SPECC1L: variants seen among roughly 807,000 people sequenced by gnomAD.
The protein encoded by SPECC1L is cytospin-A.
SPECC1L carries 40 observed loss-of-function variants against 116.8 expected under a neutral mutation model. That is an observed-to-expected ratio of 0.34 (90% CI 0.27 to 0.45). The LOEUF is 0.45. Among genes scored for constraint, SPECC1L ranks in the 20% least tolerant of loss-of-function variants. The pLI is 1.00. For synonymous variants in SPECC1L, 504 were observed against 500.6 expected (o/e 1.01, Z -0.09); for missense variants, 1,110 against 1,373.6 (o/e 0.81, Z 3.03).
intron 8 of SPECC1L, 86 bp downstream of exon 8, chr22:24,330,517 T>C (rs2146508105): frequency 6.9e-7 from 1 of 1,455,860 alleles, no homozygotes; most frequent in Non-Finnish European, 9.6e-7. Flanking sequence ...ATGGAAAAAA[T>C]GTGGAGTTTG....
intron 16 of SPECC1L, among the ~76,000 whole-genome samples, chr22:24,413,518 G>A (rs567582707): frequency 6.6e-6 from 1 of 152,280 alleles, no homozygotes; most frequent in African/African-American, 2.4e-5. Context: ...CTAACTTGTA[G>A]CAGCTGGAGG....
intron 14 of SPECC1L, among the ~76,000 whole-genome samples, chr22:24,371,660 A>T (rs1242474423): frequency 6.6e-6 from 1 of 152,226 alleles, no homozygotes; most frequent in Non-Finnish European, 1.5e-5. Flanking sequence ...AACGCAGCAT[A>T]CCAAAATTTA....
chr22:24,322,670 G>T lies in SPECC1L; in HGVS notation c.1690G>T (p.Glu564Ter). ...AGCAGCCTTGGCAGCCACGTTAGAG[G>T]AATACAAAGCCACAGTGGCCAGTGA... Reference protein sequence around the residue: ...GKAALAATLEEYKATVASDQI... With the variant: ...GKAALAATLE Residue 564 changes from glutamate (E) to a stop codon, truncating the protein, a stop_gained, in exon 5 of 17, where the codon GAA becomes TAA. Transcript: ENST00000314328. LOFTEE classifies it high-confidence loss of function. The T allele has an allele frequency of 6.2e-7, 1 of 1,612,050 alleles. No homozygotes were observed. Among genetic ancestry groups the T allele is most frequent in the Non-Finnish European group, 8.5e-7 (1 of 1,179,192 alleles).
In SPECC1L at chr22:24,365,596, C is replaced by A; in HGVS notation, c.2948C>A (p.Thr983Lys). Reference sequence around the variant, plus strand: ...CAGCTTTCCCTGTCCTCTTCTCCAACGGCATCTGTGACTCCCACCACCCGA... The same window carrying A: ...CAGCTTTCCCTGTCCTCTTCTCCAAAGGCATCTGTGACTCCCACCACCCGA... The part of the protein sequence containing the change: ...SPQLSLSSSP[T>K]ASVTPTTRSR... The change falls in exon 13 of 17, where the codon ACG becomes AAG. Residue 983 changes from threonine to lysine, a missense_variant. Physicochemically the swap from Thr to Lys is moderately conservative, Grantham distance 78. This residue lies in a region of SPECC1L where 575 missense variants were observed against 682.4 expected (regional missense o/e 0.84). Transcript: ENST00000314328. The A allele has an allele frequency of 6.2e-7, 1 of 1,614,154 alleles. No homozygotes were observed. The highest frequency in any genetic ancestry group is 1.1e-5 in the South Asian group (1 of 91,084).
intron 14 of SPECC1L, among the ~76,000 whole-genome samples, chr22:24,374,000 A>G (rs1281188948): frequency 6.6e-6 from 1 of 152,236 alleles, no homozygotes; most frequent in Admixed American, 6.5e-5. Flanking sequence ...ACATTTATGC[A>G]GCCAAAAGAC....
Position 24,322,055 on chromosome 22 carries a change from A to AGC in SPECC1L, c.1077_1078dup (p.Asp360AlafsTer19). The AGC allele has an allele frequency of 6.2e-7, 1 of 1,614,192 alleles. No individual in the cohort carries two copies. Among genetic ancestry groups the AGC allele is most frequent in the Non-Finnish European group, 8.5e-7 (1 of 1,180,042 alleles). ...TGAGGTCTACCAGCCCCTCACATCG[A>AGC]GCGATGATGCGCTGGATGCACCATC... On this transcript the variant is annotated frameshift_variant, in exon 5 of 17. Transcript: ENST00000314328. LOFTEE classifies it high-confidence loss of function.
rs551711462 is a variant in SPECC1L at position 24,272,251 on chromosome 22, G to A, written c.-142+1268G>A. On this transcript the variant is annotated intron_variant, in intron 1 of 16. Coordinates refer to ENST00000314328, the MANE Select transcript of SPECC1L (RefSeq NM_015330.6). ...CAAAAAGCGCGCGCCTGTAATCCCAGCTACTCAGGAGGGTGAGGCAGGAGA... is the reference window on the plus strand; with the variant it reads ...CAAAAAGCGCGCGCCTGTAATCCCAACTACTCAGGAGGGTGAGGCAGGAGA... 2.0e-4 allele frequency among the ~76,000 whole-genome samples: 31 copies of A among 152,054 alleles called. 1 individual carries two copies. Among genetic ancestry groups the A allele is most frequent in the Admixed American group, 1.6e-3 (25 of 15,262 alleles).
Position 24,334,581 on chromosome 22 carries a change from A to G in SPECC1L, c.2560+8A>G. 6.2e-7 allele frequency: 1 copy of G among 1,613,990 alleles called. No homozygotes were observed. The highest frequency in any genetic ancestry group is 8.5e-7 in the Non-Finnish European group (1 of 1,179,934). On this transcript the variant is annotated splice_region_variant and intron_variant, in intron 9 of 16. Coordinates refer to ENST00000314328, the MANE Select transcript of SPECC1L (RefSeq NM_015330.6). ...TTGACAGTGCATCTCAAGGTAATTAATTTCTCCTACATTGTGCCTACTGCA... is the reference window on the plus strand; with the variant it reads ...TTGACAGTGCATCTCAAGGTAATTAGTTTCTCCTACATTGTGCCTACTGCA...
intron 16 of SPECC1L, among the ~76,000 whole-genome samples, chr22:24,413,155 T>C (rs983749331): frequency 8.5e-5 from 13 of 152,206 alleles, no homozygotes; most frequent in Non-Finnish European, 4.4e-5. Context: ...GGCAGGCGGC[T>C]TTAGAGGCTG....
At chr22:24,282,949 TG>T (rs1265931360) in intron 2 of SPECC1L, among the ~76,000 whole-genome samples, 1 of 152,034 alleles carries the variant, frequency 6.6e-6, no homozygotes, top group Non-Finnish European at 1.5e-5. Context: ...GGCTAATTTT[TG>T]TATTATTAGT....
chr22:24,402,097 G>T (rs1380348383), intron 14 of SPECC1L, among the ~76,000 whole-genome samples: 1 of 63,362 alleles, frequency 1.6e-5, no homozygotes, highest in African/African-American at 5.6e-5. Context: ...AAAATGTACT[G>T]CTTCCCCTTC....
chr22:24,310,127 G>C (rs2040434364), intron 3 of SPECC1L, among the ~76,000 whole-genome samples: 1 of 152,156 alleles, frequency 6.6e-6, no homozygotes, highest in Admixed American at 6.5e-5. Flanking sequence ...TTTGCACTCT[G>C]TTAATCTTTT....
chr22:24,365,760 A>G, intron 13 of SPECC1L, 128 bp downstream of exon 13: 1 of 1,014,986 alleles, frequency 9.9e-7, no homozygotes, highest in Non-Finnish European at 1.5e-6. Context: ...TTGTTTGCGA[A>G]TCTTTCTTAT....
rs77035382 is a variant in SPECC1L at position 24,399,582 on chromosome 22, A to C, written c.3088-12006A>C. Among the ~76,000 whole-genome samples, 1,140 of 152,212 alleles carry C rather than the reference A, an allele frequency of 7.5e-3. 6 individuals carry two copies. The highest frequency in any genetic ancestry group is 0.013 in the South Asian group (61 of 4,816). ...CGAGACTCCATTTCAAAAAAAACAA[A>C]AAAAAAAGTTAAAGCATATTAAATC... On this transcript the variant is annotated intron_variant, in intron 14 of 16. Transcript: ENST00000314328.
At chr22:24,330,214 A>AT in intron 7 of SPECC1L, 42 bp from the exon 8 acceptor site, 1 of 1,599,200 alleles carries the variant, frequency 6.3e-7, no homozygotes. Flanking sequence ...ATAAATCTTG[A>AT]TTGCTCTCTT....
intron 6 of SPECC1L, among the ~76,000 whole-genome samples, chr22:24,324,698 A>C (rs1322308390): frequency 6.6e-6 from 1 of 152,136 alleles, no homozygotes; most frequent in African/African-American, 2.4e-5. Flanking sequence ...TAAAAATACA[A>C]AAATTAGCTG....
intron 3 of SPECC1L, among the ~76,000 whole-genome samples, chr22:24,303,335 G>T (rs930794468): frequency 3.3e-5 from 5 of 152,170 alleles, no homozygotes; most frequent in African/African-American, 9.7e-5. Context: ...CCTAGCTGTG[G>T]CCCTGAGGAA....
At chr22:24,413,548 C>T (rs1382996693) in intron 16 of SPECC1L, among the ~76,000 whole-genome samples, 5 of 152,192 alleles carry the variant, frequency 3.3e-5, no homozygotes, top group Admixed American at 6.5e-5. Flanking sequence ...GAAGTGTTTA[C>T]GCCCATGTTC....
chr22:24,280,669 C>T (rs945494176), intron 2 of SPECC1L, among the ~76,000 whole-genome samples: 1 of 151,484 alleles, frequency 6.6e-6, no homozygotes, highest in Non-Finnish European at 1.5e-5. Context: ...CCCTGACTTC[C>T]CAGGCTCAAG....
Sources: allele counts gnomAD v4.1 joint callset (sites outside exome capture counted in the v4.1 genomes callset), GRCh38; gene constraint gnomAD v4.1.1; regional missense constraint gnomAD v4.1.1; transcripts MANE v1.5; gene names NCBI Gene and HGNC (gene_info 2026-07-23, HGNC 2026-07-21).